Variants in RNF13 observed in about 807,000 individuals in gnomAD.
The protein encoded by RNF13 is ring finger protein 13.
Under a neutral mutation model 37.7 loss-of-function variants are expected in RNF13, and 19 were observed. The ratio of observed to expected loss-of-function variants is 0.50; its 90% CI spans 0.35 to 0.74. The LOEUF is 0.74. RNF13 is among the 30% of genes least tolerant of loss of function. The probability of loss-of-function intolerance (pLI) is 0.01; values close to 1 mark genes in which losing one functional copy is unlikely to be tolerated. For synonymous variants in RNF13, 144 were observed against 157.8 expected, an observed-to-expected ratio of 0.91 and a Z score of 0.65; for missense variants, 375 against 453.0, an observed-to-expected ratio of 0.83 and a Z score of 1.56.
chr3:149,827,241 A>G (rs1409757442), intron 1 of RNF13, among the ~76,000 whole-genome samples: 2 of 152,222 alleles, frequency 1.3e-5, no homozygotes, highest in Non-Finnish European at 2.9e-5. Context: ...ATTCAGTATT[A>G]TAACTAATCT....
At chr3:149,831,431 T>C (rs1403656700) in intron 1 of RNF13, among the ~76,000 whole-genome samples, 1 of 152,208 alleles carries the variant, frequency 6.6e-6, no homozygotes, top group African/African-American at 2.4e-5. Flanking sequence ...GGAGATCATT[T>C]TGGAGCATTA....
intron 8 of RNF13, among the ~76,000 whole-genome samples, chr3:149,924,012 T>C (rs1188694817): frequency 6.6e-6 from 1 of 152,074 alleles, no homozygotes; most frequent in Non-Finnish European, 1.5e-5. Context: ...GTAATTCAGG[T>C]GTGATATAAA....
Position 149,961,957 on chromosome 3 carries a change from AT to A in RNF13, c.*854del, listed in dbSNP as rs1370693983. 6.5e-6 allele frequency: 1 copy of A among 152,708 alleles called. No individual in the cohort carries two copies. The highest frequency in any genetic ancestry group is 1.9e-4 in the East Asian group (1 of 5,206). 9.5% of individuals were successfully genotyped at this position (152,708 alleles called of 1,614,324 possible). A position where few individuals can be genotyped will look rare whatever the true frequency, so the allele number is the denominator to read the frequency against. On this transcript the variant is annotated 3_prime_UTR_variant, in exon 10 of 10. Transcript: ENST00000392894. Reference sequence around the variant, plus strand: ...TATTGGATTTGAAAGTAAGTGACTTATGTTTAACAGAACTAATGATGTATTG... The same window carrying A: ...TATTGGATTTGAAAGTAAGTGACTTAGTTTAACAGAACTAATGATGTATTG...
chr3:149,815,863 T>C (rs2108301580), intron 1 of RNF13, among the ~76,000 whole-genome samples: 1 of 152,180 alleles, frequency 6.6e-6, no homozygotes, highest in South Asian at 2.1e-4. Context: ...ATATCTCAGG[T>C]GGTTCTTACA....
At chr3:149,864,172 G>C (rs1724561337) in intron 3 of RNF13, among the ~76,000 whole-genome samples, 1 of 151,880 alleles carries the variant, frequency 6.6e-6, no homozygotes, top group African/African-American at 2.4e-5. Flanking sequence ...TCAGGGAAGT[G>C]GATCCCTCAT....
At chr3:149,936,831 G>C (rs1046913050) in intron 8 of RNF13, among the ~76,000 whole-genome samples, 3 of 151,994 alleles carry the variant, frequency 2.0e-5, no homozygotes, top group Non-Finnish European at 2.9e-5. Flanking sequence ...TCTAGTTTTT[G>C]CTATCTGCCT....
chr3:149,887,003 C>G (rs1185311167), intron 4 of RNF13, among the ~76,000 whole-genome samples: 3 of 151,862 alleles, frequency 2.0e-5, no homozygotes, highest in African/African-American at 7.3e-5. Context: ...AATTTCATTC[C>G]ACTATGATCG....
chr3:149,936,592 A>T (rs1719706365), intron 8 of RNF13, among the ~76,000 whole-genome samples: 1 of 151,586 alleles, frequency 6.6e-6, no homozygotes, highest in African/African-American at 2.4e-5. Context: ...TGTTTGTTAA[A>T]TTTTTCTGGT....
At chr3:149,855,525 ATAT>A (rs936086806) in intron 3 of RNF13, among the ~76,000 whole-genome samples, 3 of 146,876 alleles carry the variant, frequency 2.0e-5, no homozygotes, top group African/African-American at 8.1e-5. Context: ...GCATTAAAAA[ATAT>A]ATATGTATCT....
intron 5 of RNF13, among the ~76,000 whole-genome samples, chr3:149,899,641 A>C (rs1252947371): frequency 6.6e-6 from 1 of 152,172 alleles, no homozygotes; most frequent in East Asian, 1.9e-4. Context: ...AGGCAAGAGT[A>C]ATGGTGGTTT....
intron 3 of RNF13, among the ~76,000 whole-genome samples, chr3:149,855,265 G>C (rs187980724): frequency 1.3e-5 from 2 of 152,268 alleles, no homozygotes; most frequent in East Asian, 1.9e-4. Context: ...GTTGCAGTGA[G>C]CCGCGATCAA....
chr3:149,930,508 T>C (rs1340979171), intron 8 of RNF13, among the ~76,000 whole-genome samples: 1 of 152,240 alleles, frequency 6.6e-6, no homozygotes, highest in Non-Finnish European at 1.5e-5. Context: ...TCATGGTAGT[T>C]ACTAGTCAGT....
chr3:149,862,242 T>C (rs550135858), intron 3 of RNF13, among the ~76,000 whole-genome samples: 1 of 152,170 alleles, frequency 6.6e-6, no homozygotes, highest in East Asian at 1.9e-4. Flanking sequence ...GCTTTCACTT[T>C]TTAAAAATGG....
intron 8 of RNF13, among the ~76,000 whole-genome samples, chr3:149,929,290 G>T (rs1039961485): frequency 6.6e-6 from 1 of 152,168 alleles, no homozygotes; most frequent in Non-Finnish European, 1.5e-5. Context: ...GCAAGCAGGG[G>T]AGATGCCAGA....
chr3:149,960,268 T>G (rs1722257223), intron 9 of RNF13, 132 bp downstream of exon 9: 4 of 637,584 alleles, frequency 6.3e-6, no homozygotes, highest in Admixed American at 5.3e-5. Flanking sequence ...AGTGGTCTCA[T>G]TCAAGGATGG....
intron 1 of RNF13, among the ~76,000 whole-genome samples, chr3:149,835,667 T>TGTTTGTGTG (rs1218091872): frequency 4.5e-5 from 4 of 88,056 alleles, no homozygotes; most frequent in African/African-American, 1.6e-4. Context: ...GTGTGTGTGT[T>TGTTTGTGTG]TGTGTGTGTG....
intron 7 of RNF13, among the ~76,000 whole-genome samples, chr3:149,916,086 G>A (rs954611232): frequency 2.8e-5 from 4 of 144,950 alleles, no homozygotes; most frequent in Non-Finnish European, 6.1e-5. Flanking sequence ...TTCTAAAATA[G>A]TTTTTTTTTT....
chr3:149,868,238 C>T (rs1711569325), intron 3 of RNF13, among the ~76,000 whole-genome samples: 1 of 151,682 alleles, frequency 6.6e-6, no homozygotes, highest in African/African-American at 2.4e-5. Flanking sequence ...GTGGATTGCA[C>T]ACCACAATTA....
intron 3 of RNF13, 70 bp from the exon 4 acceptor site, chr3:149,871,957 GAT>G: frequency 7.5e-7 from 1 of 1,331,980 alleles, no homozygotes; most frequent in African/African-American, 1.5e-5. Context: ...AAATCGAAAA[GAT>G]ATTTGTAGAA....
Sources: gnomAD v4.1 joint callset for allele counts (sites outside exome capture counted in the v4.1 genomes callset) on GRCh38, gnomAD v4.1.1 for gene constraint, MANE v1.5 for transcripts, NCBI Gene and HGNC (gene_info 2026-07-23, HGNC 2026-07-21) for gene names.